The following OLFM3 variants were observed in gnomAD, a reference collection of about 807,000 sequenced individuals.
OLFM3 encodes olfactomedin 3.
A neutral mutation model predicts 48.6 loss-of-function variants in OLFM3; 20 were observed. That is an observed-to-expected ratio of 0.41 (90% CI 0.29 to 0.60). The LOEUF (loss-of-function observed/expected upper bound fraction) is 0.60, where lower values mean the gene tolerates loss of function less well. OLFM3 is among the 20% of genes least tolerant of loss of function. The probability of loss-of-function intolerance (pLI) is 0.28; values close to 1 mark genes in which losing one functional copy is unlikely to be tolerated. For synonymous variants in OLFM3, 222 were observed against 198.1 expected, an observed-to-expected ratio of 1.12 and a Z score of -1.01; for missense variants, 437 against 544.3, an observed-to-expected ratio of 0.80 and a Z score of 1.96.
chr1:101,888,836 G>A (rs1006350772), intron 1 of OLFM3, among the ~76,000 whole-genome samples: 4 of 152,102 alleles, frequency 2.6e-5, no homozygotes, highest in Non-Finnish European at 5.9e-5. Context: ...CAAAAAGTGG[G>A]CAAAGGATAT....
intron 3 of OLFM3, among the ~76,000 whole-genome samples, chr1:101,825,507 A>G (rs549667343): frequency 1.3e-5 from 2 of 152,330 alleles, no homozygotes; most frequent in African/African-American, 4.8e-5. Flanking sequence ...CATAATTAGA[A>G]AAACTTCCTA....
At chr1:101,834,466 A>G (rs1299935582) in intron 2 of OLFM3, among the ~76,000 whole-genome samples, 1 of 152,212 alleles carries the variant, frequency 6.6e-6, no homozygotes, top group Non-Finnish European at 1.5e-5. Flanking sequence ...CTTAAAGGTC[A>G]TGCTCTTGTT....
At chr1:101,904,217 A>C (rs2101021314) in intron 1 of OLFM3, among the ~76,000 whole-genome samples, 1 of 152,278 alleles carries the variant, frequency 6.6e-6, no homozygotes, top group South Asian at 2.1e-4. Context: ...ATCAAAAAAT[A>C]AATGGAAGAA....
At chr1:101,958,848 T>C (rs1660381230) in intron 1 of OLFM3, among the ~76,000 whole-genome samples, 1 of 149,850 alleles carries the variant, frequency 6.7e-6, no homozygotes, top group Non-Finnish European at 1.5e-5. Flanking sequence ...TATATATATA[T>C]ATATATATAT....
chr1:101,819,589 T>C (rs900205004), intron 4 of OLFM3, among the ~76,000 whole-genome samples: 8 of 152,000 alleles, frequency 5.3e-5, no homozygotes. Context: ...GATGTGGCGA[T>C]TGCATGGCGG....
At chr1:101,891,167 A>G (rs763570577) in intron 1 of OLFM3, among the ~76,000 whole-genome samples, 3 of 151,976 alleles carry the variant, frequency 2.0e-5, no homozygotes, top group African/African-American at 7.2e-5. Context: ...TATTTCTTCC[A>G]CTCAGGTCTC....
chr1:101,908,542 T>G (rs760108305), intron 1 of OLFM3, among the ~76,000 whole-genome samples: 7 of 152,132 alleles, frequency 4.6e-5, no homozygotes, highest in Non-Finnish European at 8.8e-5. Context: ...GTTGTCACAA[T>G]GAGGCATAAC....
intron 1 of OLFM3, among the ~76,000 whole-genome samples, chr1:101,977,554 T>A (rs1204295950): frequency 2.0e-5 from 3 of 152,156 alleles, no homozygotes; most frequent in Non-Finnish European, 2.9e-5. Flanking sequence ...CACTAGTTAG[T>A]TCAATTCTAT....
At chr1:101,848,195 A>T (rs752930904) in intron 1 of OLFM3, among the ~76,000 whole-genome samples, 2 of 152,222 alleles carry the variant, frequency 1.3e-5, no homozygotes, top group Non-Finnish European at 2.9e-5. Flanking sequence ...TAAAAATATA[A>T]AGAGAAGACA....
intron 5 of OLFM3, among the ~76,000 whole-genome samples, chr1:101,805,721 G>C (rs1008800607): frequency 2.6e-5 from 4 of 151,746 alleles, no homozygotes; most frequent in African/African-American, 9.7e-5. Flanking sequence ...ATTTTAGAAA[G>C]AGTAGGCAGG....
intron 1 of OLFM3, among the ~76,000 whole-genome samples, chr1:101,947,278 A>G (rs1462550689): frequency 6.6e-6 from 1 of 152,186 alleles, no homozygotes; most frequent in Non-Finnish European, 1.5e-5. Flanking sequence ...TTTTACCAGG[A>G]GAAAATCAAC....
At chr1:101,821,678 C>T (rs7522757) in intron 4 of OLFM3, among the ~76,000 whole-genome samples, 46,184 of 151,818 alleles carry the variant, frequency 0.3, 7,533 homozygotes, top group Non-Finnish European at 0.38. Flanking sequence ...GACAATGGCC[C>T]CTCTACTAAG....
chr1:101,913,651 GCTGA>G (rs1658829703), intron 1 of OLFM3, among the ~76,000 whole-genome samples: 1 of 150,236 alleles, frequency 6.7e-6, no homozygotes, highest in Non-Finnish European at 1.5e-5. Flanking sequence ...CCATCCAGAG[GCTGA>G]GTTCAAACCT....
At chr1:101,860,533 A>G (rs1557705794) in intron 1 of OLFM3, among the ~76,000 whole-genome samples, 1 of 152,076 alleles carries the variant, frequency 6.6e-6, no homozygotes, top group South Asian at 2.1e-4. Flanking sequence ...TATCCATATC[A>G]TTGTCTTTTG....
rs75068656 is a variant in OLFM3, at chr1:101,918,010, G to A, written c.69+78738C>T. Among the ~76,000 whole-genome samples the A allele has an allele frequency of 1.4e-3, 220 of 151,926 alleles. 1 individual carries two copies. Among genetic ancestry groups the A allele is most frequent in the African/African-American group, 5.0e-3 (208 of 41,418 alleles). ...TGATTAAAAAAAACCACATTTTATC[G>A]TTCTTCCCTTTGGGAGTTTCTTTCC... On this transcript the variant is annotated intron_variant, in intron 1 of 5. Coordinates refer to ENST00000370103, the MANE Select transcript of OLFM3 (RefSeq NM_058170.4).
chr1:101,967,818 T>G (rs1013138906), intron 1 of OLFM3, among the ~76,000 whole-genome samples: 17 of 152,068 alleles, frequency 1.1e-4, no homozygotes, highest in Admixed American at 9.2e-4. Context: ...ACAAACTAAC[T>G]TTTTTTCCTT....
chr1:101,809,274 A>G (rs1271408710), intron 4 of OLFM3, among the ~76,000 whole-genome samples: 1 of 151,836 alleles, frequency 6.6e-6, no homozygotes, highest in Admixed American at 6.6e-5. Context: ...GTTCTAAAAA[A>G]CTACTGTGAA....
Position 101,996,890 on chromosome 1 carries a change from G to T in OLFM3, c.-74C>A. ...CACTCACTGCAGAGACCTTTCCCTCGTCAGTTGCACTTTCTGCCTGCCAGT... is the reference window on the plus strand; with the variant it reads ...CACTCACTGCAGAGACCTTTCCCTCTTCAGTTGCACTTTCTGCCTGCCAGT... On this transcript the variant is annotated 5_prime_UTR_variant, in exon 1 of 6. Transcript: ENST00000370103. 6.7e-7 allele frequency: 1 copy of T among 1,499,616 alleles called. No individual in the cohort carries two copies. Among genetic ancestry groups the T allele is most frequent in the Non-Finnish European group, 9.3e-7 (1 of 1,079,770 alleles). The allele number at this position is 1,499,616 out of a possible 1,614,324, so 92.9% of individuals were successfully genotyped here.
intron 1 of OLFM3, among the ~76,000 whole-genome samples, chr1:101,857,171 C>T (rs146295887): frequency 7.3e-4 from 111 of 152,030 alleles, no homozygotes; most frequent in African/African-American, 2.6e-3. Context: ...ATTTTCATCT[C>T]TCTTTTCATT....
Sources: gnomAD v4.1 joint callset for allele counts (sites outside exome capture counted in the v4.1 genomes callset) on GRCh38, gnomAD v4.1.1 for gene constraint, MANE v1.5 for transcripts, NCBI Gene and HGNC (gene_info 2026-07-23, HGNC 2026-07-21) for gene names.